Variants in DPP6 observed in about 807,000 individuals in gnomAD.
The protein encoded by DPP6 is dipeptidyl peptidase like 6.
In DPP6, 69 loss-of-function variants were observed where a neutral mutation model predicts 122.6. That is an observed-to-expected ratio of 0.56 (90% CI 0.46 to 0.69). The LOEUF (loss-of-function observed/expected upper bound fraction) is 0.69, where lower values mean the gene tolerates loss of function less well. DPP6 is among the 30% of genes least tolerant of loss of function. DPP6 has a pLI of 0.00. For missense variants in DPP6, 928 were observed against 1,116.9 expected (o/e 0.83, Z 2.41); for synonymous variants, 418 against 433.1 (o/e 0.97, Z 0.43).
Position 154,241,639 on chromosome 7 carries a change from G to A in DPP6, c.243+188576G>A, listed in dbSNP as rs948020840. On this transcript the variant is annotated intron_variant, in intron 1 of 25. Coordinates refer to ENST00000377770, the MANE Select transcript of DPP6 (RefSeq NM_130797.4). This position sits in a 1 kb window ranked among gnomAD's most constrained non-coding sequence, Gnocchi z 9.0. ...CCTATTTATTCTTATATTGATTAAT[G>A]TATTCTTCCTCAAAATTATATTACT... 1.3e-5 allele frequency among the ~76,000 whole-genome samples: 2 copies of A among 152,070 alleles called. No homozygotes were observed. The highest frequency in any genetic ancestry group is 1.9e-4 in the East Asian group (1 of 5,182).
rs187936090 is a variant in DPP6, at chr7:153,922,330, G to A, written c.51+34596G>A. ...AGGCTGGGCAACATAGTGAGACCCC[G>A]TCTCTATAAAAAATTCAGATTAGCT... On this transcript the variant is annotated intron_variant, in intron 1 of 25. Transcript: ENST00000404039. Among the ~76,000 whole-genome samples the A allele has an allele frequency of 2.3e-4, 35 of 152,202 alleles. No individual in the cohort carries two copies. The South Asian group carries it at 2.9e-3, about 13-fold the overall frequency.
At chr7:154,121,207 CAG>C (rs1158000505) in intron 1 of DPP6, among the ~76,000 whole-genome samples, 1 of 152,210 alleles carries the variant, frequency 6.6e-6, no homozygotes, top group Non-Finnish European at 1.5e-5. Flanking sequence ...TTCTTCATAG[CAG>C]CATGAGAACG....
intron 11 of DPP6, among the ~76,000 whole-genome samples, chr7:154,795,218 A>G (rs1209049917): frequency 6.6e-6 from 1 of 152,190 alleles, no homozygotes; most frequent in African/African-American, 2.4e-5. Context: ...AACCCATGAC[A>G]GAGGCCTGCT....
intron 18 of DPP6, among the ~76,000 whole-genome samples, chr7:154,869,005 G>T (rs1352901430): frequency 6.6e-6 from 1 of 152,176 alleles, no homozygotes; most frequent in East Asian, 1.9e-4. Context: ...GCTGTAAACG[G>T]GTTTCCCTCC....
At chr7:154,626,793 A>G (rs879430962) in intron 5 of DPP6, among the ~76,000 whole-genome samples, 4 of 152,198 alleles carry the variant, frequency 2.6e-5, no homozygotes, top group Admixed American at 2.6e-4. Context: ...TGACAACTGT[A>G]TGTCTTCTAT....
intron 1 of DPP6, among the ~76,000 whole-genome samples, chr7:154,062,286 C>A (rs1355250803): frequency 1.2e-5 from 1 of 83,032 alleles, no homozygotes; most frequent in Admixed American, 1.3e-4. Flanking sequence ...GAGAGCCAGT[C>A]CCTCTTCCCC....
chr7:153,839,900 T>C, the DPP6 span, among the ~76,000 whole-genome samples: 1 of 152,330 alleles, frequency 6.6e-6, no homozygotes, highest in African/African-American at 2.4e-5. Context: ...GGTCCACATT[T>C]GGAGAACTGT....
intron 16 of DPP6, among the ~76,000 whole-genome samples, chr7:154,831,801 C>T (rs192168412): frequency 5.9e-4 from 90 of 152,288 alleles, no homozygotes; most frequent in East Asian, 3.7e-3. Context: ...CCCACATCTG[C>T]GCCTCCTCTG....
At chr7:153,842,998 GCACATACA>G in the DPP6 span, among the ~76,000 whole-genome samples, 65 of 152,084 alleles carry the variant, frequency 4.3e-4, no homozygotes, top group African/African-American at 1.0e-3. Flanking sequence ...GTGTGTGCAC[GCACATACA>G]CACATACACA....
intron 6 of DPP6, among the ~76,000 whole-genome samples, chr7:154,643,594 G>A (rs1836253429): frequency 6.6e-6 from 1 of 151,244 alleles, no homozygotes. Context: ...TCAGCCTCCT[G>A]AGTAGCTGGG....
chr7:154,605,934 C>A lies in DPP6; in HGVS notation c.628-31887C>A, dbSNP rs1357313005. Among the ~76,000 whole-genome samples the A allele has an allele frequency of 3.4e-5, 4 of 119,360 alleles. 2 individuals are homozygous for A. Among genetic ancestry groups the A allele is most frequent in the African/African-American group, 1.1e-4 (4 of 37,684 alleles). 78.3% of individuals were successfully genotyped at this position (119,360 alleles called of 152,430 possible). A position where few individuals can be genotyped will look rare whatever the true frequency, so the allele number is the denominator to read the frequency against. ...ATATTTTGCATTATAATTTTTTACT[C>A]ATGTGTTATTTTGTTTCCGAATATA... On this transcript the variant is annotated intron_variant, in intron 5 of 25. Coordinates refer to ENST00000377770, the MANE Select transcript of DPP6 (RefSeq NM_130797.4).
At chr7:154,857,425 A>C (rs191716576) in intron 17 of DPP6, among the ~76,000 whole-genome samples, 6 of 152,206 alleles carry the variant, frequency 3.9e-5, no homozygotes, top group Admixed American at 3.3e-4. Flanking sequence ...GGGAAATAAG[A>C]GTGAGTGTGG....
At chr7:153,975,076 A>G (rs559829853) in intron 1 of DPP6, among the ~76,000 whole-genome samples, 1 of 152,250 alleles carries the variant, frequency 6.6e-6, no homozygotes, top group South Asian at 2.1e-4. Context: ...AATACCTACT[A>G]CGTACCAGCC....
intron 1 of DPP6, among the ~76,000 whole-genome samples, chr7:153,955,719 G>A (rs13227312): frequency 6.6e-6 from 1 of 151,922 alleles, no homozygotes; most frequent in Non-Finnish European, 1.5e-5. Flanking sequence ...GATTACAGGC[G>A]TGAGTCACTG....
intron 1 of DPP6, among the ~76,000 whole-genome samples, chr7:154,206,246 C>T (rs545011108): frequency 7.9e-5 from 12 of 152,314 alleles, no homozygotes; most frequent in Admixed American, 5.2e-4. Context: ...CACCGTGGCT[C>T]TCATCAAGAT....
intron 8 of DPP6, among the ~76,000 whole-genome samples, chr7:154,742,213 C>T (rs866554270): frequency 6.6e-6 from 1 of 152,182 alleles, no homozygotes; most frequent in South Asian, 2.1e-4. Context: ...GAAGCAGCTC[C>T]TTCCTTCCAT....
At chr7:153,776,936 AG>A in the DPP6 span, among the ~76,000 whole-genome samples, 5 of 152,252 alleles carry the variant, frequency 3.3e-5, no homozygotes, top group Non-Finnish European at 7.3e-5. Flanking sequence ...AACTGTTGAA[AG>A]AATACAAAGA....
chr7:154,795,872 C>A lies in DPP6; in HGVS notation c.1288C>A (p.Leu430Ile). 6.2e-7 allele frequency: 1 copy of A among 1,612,688 alleles called. No individual in the cohort carries two copies. The highest frequency in any genetic ancestry group is 1.1e-5 in the South Asian group (1 of 90,680). Residue 430 changes from leucine to isoleucine, a missense_variant, in exon 12 of 26, where the codon CTC (leucine) becomes ATC (isoleucine). Leu to Ile is a conservative substitution (Grantham distance 5, BLOSUM62 2). Coordinates refer to ENST00000377770, the MANE Select transcript of DPP6 (RefSeq NM_130797.4). Reference sequence around the variant, plus strand: ...ACACGAGGATGAAAGTGAGGCCTGGCTCCACAGACAGGTAACTACTGCATG... The same window carrying A: ...ACACGAGGATGAAAGTGAGGCCTGGATCCACAGACAGGTAACTACTGCATG... ...KKHEDESEAW[L>I]HRQNEEPVFS...
rs78528594 is a variant in DPP6, at chr7:154,502,738, A to G, written c.457+27701A>G. Among the ~76,000 whole-genome samples the G allele has an allele frequency of 6.4e-3, 979 of 152,300 alleles. 11 individuals are homozygous for G. Among genetic ancestry groups the G allele is most frequent in the African/African-American group, 0.022 (903 of 41,552 alleles). On this transcript the variant is annotated intron_variant, in intron 3 of 25. Transcript: ENST00000377770. The stretch of plus-strand genomic sequence containing the variant: ...TGAGTTGAATTTGGGGTGAATTTAC[A>G]TTATATTGAATGTCAGGTAAGGAGA...
Sources: gnomAD v4.1 joint callset for allele counts (sites outside exome capture counted in the v4.1 genomes callset) on GRCh38, gnomAD v4.1.1 for gene constraint, Gnocchi (gnomAD v3.1) non-coding constraint, MANE v1.5 for transcripts, NCBI Gene and HGNC (gene_info 2026-07-23, HGNC 2026-07-21) for gene names.